KIAA2012: variants seen among roughly 807,000 people sequenced by gnomAD.
KIAA2012 encodes the protein KIAA2012, also known as uncharacterized protein KIAA2012.
In KIAA2012, 125 loss-of-function variants were observed where a neutral mutation model predicts 150.6. The observed-to-expected ratio is 0.83, with a 90% CI of 0.72 to 0.96. KIAA2012 has a LOEUF of 0.96. Ranked by LOEUF, KIAA2012 falls within the 40% of genes least tolerant of loss-of-function variation. The pLI is 0.00. For missense variants in KIAA2012, 1,219 were observed against 1,354.9 expected, an observed-to-expected ratio of 0.90 and a Z score of 1.57; for synonymous variants, 462 against 504.7, an observed-to-expected ratio of 0.92 and a Z score of 1.13.
intron 15 of KIAA2012, among the ~76,000 whole-genome samples, chr2:202,175,076 G>A (rs149899841): frequency 6.6e-4 from 100 of 152,270 alleles, no homozygotes; most frequent in African/African-American, 2.3e-3. Flanking sequence ...AAATCTCATT[G>A]AATTTATAAG....
chr2:202,138,311 A>G, intron 12 of KIAA2012, 121 bp from the exon 13 acceptor site: 1 of 726,534 alleles, frequency 1.4e-6, no homozygotes, highest in Non-Finnish European at 2.4e-6. Context: ...ATGGGTGTAT[A>G]TGTGCTTATA....
At chr2:202,183,916 G>C (rs551834795) in intron 15 of KIAA2012, among the ~76,000 whole-genome samples, 2 of 151,824 alleles carry the variant, frequency 1.3e-5, no homozygotes, top group African/African-American at 2.4e-5. Flanking sequence ...GTTCATATCC[G>C]TCCAGATTTT....
chr2:202,121,522 A>G (rs1690651872), intron 11 of KIAA2012, among the ~76,000 whole-genome samples: 1 of 152,246 alleles, frequency 6.6e-6, no homozygotes, highest in East Asian at 1.9e-4. Context: ...TGCAAGGGAC[A>G]TGGAAGGATG....
At chr2:202,132,495 C>G (rs113128891) in intron 12 of KIAA2012, among the ~76,000 whole-genome samples, 5 of 151,498 alleles carry the variant, frequency 3.3e-5, no homozygotes, top group African/African-American at 1.2e-4. Flanking sequence ...GGCAAAACCC[C>G]GTCTCTACTG....
At chr2:202,179,946 G>A (rs1332109413) in intron 15 of KIAA2012, 2 of 761,522 alleles carry the variant, frequency 2.6e-6, no homozygotes, top group Non-Finnish European at 4.4e-6. Flanking sequence ...GCTGGATTTA[G>A]GGGGCTTACT....
intron 3 of KIAA2012, 78 bp downstream of exon 3, chr2:202,091,007 A>G: frequency 6.9e-7 from 1 of 1,448,096 alleles, no homozygotes; most frequent in South Asian, 1.5e-5. Context: ...GTTTTCCATC[A>G]AGACCTGAAA....
Position 202,085,062 on chromosome 2 carries a change from C to A in KIAA2012, c.370-5708C>A, listed in dbSNP as rs144107994. 3.3e-3 allele frequency among the ~76,000 whole-genome samples: 499 copies of A among 152,210 alleles called. 1 individual carries two copies. The highest frequency in any genetic ancestry group is 0.011 in the African/African-American group (462 of 41,514). On this transcript the variant is annotated intron_variant, in intron 2 of 23. Transcript: ENST00000498697. ...TTGGAAGTGAGTAAGTAGATTTCAC[C>A]CTGACTGGTATCCTCGGTTAGCCCT...
At chr2:202,178,871 C>G (rs1165278673) in intron 15 of KIAA2012, 2 of 205,846 alleles carry the variant, frequency 9.7e-6, no homozygotes, top group Non-Finnish European at 1.9e-5. Context: ...AGAAGAAAAC[C>G]AAAGTTGCAA....
chr2:202,186,813 A>T, intron 16 of KIAA2012, 120 bp from the exon 17 acceptor site: 1 of 860,740 alleles, frequency 1.2e-6, no homozygotes, highest in Non-Finnish European at 1.7e-6. Flanking sequence ...TTGACTAAGT[A>T]TGTCAAATGT....
Position 202,105,791 on chromosome 2 carries a change from G to A in KIAA2012, c.1355G>A (p.Ser452Asn). The A allele has an allele frequency of 6.4e-7, 1 of 1,550,604 alleles. No individual in the cohort carries two copies. The highest frequency in any genetic ancestry group is 8.7e-7 in the Non-Finnish European group (1 of 1,146,992). The change falls in exon 9 of 24, where the codon AGC (serine) becomes AAC (asparagine). Residue 452 changes from serine (S) to asparagine (N), a missense_variant. Physicochemically the swap from Ser to Asn is conservative, Grantham distance 46. Coordinates refer to ENST00000498697, the MANE Select transcript of KIAA2012 (RefSeq NM_001277372.4). ...GAPHPESEPE[S>N]SEESTPVWRP... Reference sequence around the variant, plus strand: ...CCACACCCTGAGTCAGAACCAGAAAGCAGCGAAGAATCCACACCTGTGTGG... The same window carrying A: ...CCACACCCTGAGTCAGAACCAGAAAACAGCGAAGAATCCACACCTGTGTGG...
At chr2:202,088,675 C>G (rs527306445) in intron 2 of KIAA2012, among the ~76,000 whole-genome samples, 1 of 152,182 alleles carries the variant, frequency 6.6e-6, no homozygotes, top group African/African-American at 2.4e-5. Context: ...TCATTTACAC[C>G]AAAAACGAGG....
rs1422028326 is a variant in KIAA2012 at position 202,103,108 on chromosome 2, A to G, written c.1318A>G (p.Arg440Gly). 1 of 1,550,370 alleles carries G rather than the reference A, an allele frequency of 6.5e-7. No homozygotes were observed. Among genetic ancestry groups the G allele is most frequent in the Non-Finnish European group, 8.7e-7 (1 of 1,146,990 alleles). ...TKQPPKEKAHRRGAPHPESEP... is the reference protein window; with the variant it reads ...TKQPPKEKAHGRGAPHPESEP... Reference sequence around the variant, plus strand: ...ACAACCCCCAAAAGAGAAAGCCCACAGAAGAGGTAGGTCCCGGGTGCATGG... The same window carrying G: ...ACAACCCCCAAAAGAGAAAGCCCACGGAAGAGGTAGGTCCCGGGTGCATGG... Residue 440 changes from arginine (R) to glycine (G), a missense_variant, in exon 8 of 24, where the codon AGA becomes GGA. Coordinates refer to ENST00000498697, the MANE Select transcript of KIAA2012 (RefSeq NM_001277372.4).
chr2:202,154,774 G>C lies in KIAA2012; in HGVS notation c.2010G>C (p.Thr670=), dbSNP rs756022567. The C allele has an allele frequency of 1.3e-6, 2 of 1,549,490 alleles. No individual in the cohort carries two copies. The highest frequency in any genetic ancestry group is 2.0e-5 in the Admixed American group (1 of 50,658). ...GTTCAAACAGAAAAGAATTTTACACGCGCAAGCTGCACATCGACATGACGC... is the reference window on the plus strand; with the variant it reads ...GTTCAAACAGAAAAGAATTTTACACCCGCAAGCTGCACATCGACATGACGC... ...LICSNRKEFY[T]RKLHIDMTPF... The change falls in exon 14 of 24, where the codon ACG becomes ACC. Residue 670 remains threonine, a synonymous_variant. Coordinates refer to ENST00000498697, the MANE Select transcript of KIAA2012 (RefSeq NM_001277372.4).
Position 202,100,387 on chromosome 2 carries a change from C to G in KIAA2012, c.1093C>G (p.Pro365Ala). The change falls in exon 7 of 24, where the codon CCT becomes GCT. Residue 365 changes from proline (P) to alanine (A), a missense_variant. Physicochemically the swap from Pro to Ala is conservative, Grantham distance 27 (BLOSUM62 -1). Transcript: ENST00000498697. ...GCTTCCTGCTGAAAGAAGCCTCTTCCCTCCTGTAGCATCTGCCACTGGCTC... is the reference window on the plus strand; with the variant it reads ...GCTTCCTGCTGAAAGAAGCCTCTTCGCTCCTGTAGCATCTGCCACTGGCTC... ...QVLPAERSLF[P>A]PVASATGSRI... The G allele has an allele frequency of 6.4e-7, 1 of 1,550,588 alleles. No individual in the cohort carries two copies. The highest frequency in any genetic ancestry group is 8.7e-7 in the Non-Finnish European group (1 of 1,146,982).
intron 8 of KIAA2012, among the ~76,000 whole-genome samples, chr2:202,105,071 T>G (rs1690146661): frequency 6.6e-6 from 1 of 151,968 alleles, no homozygotes; most frequent in Non-Finnish European, 1.5e-5. Context: ...GGACCCTCCT[T>G]TAAAAGCATC....
chr2:202,200,133 A>G (rs1489799885), intron 22 of KIAA2012, among the ~76,000 whole-genome samples: 1 of 151,702 alleles, frequency 6.6e-6, no homozygotes, highest in African/African-American at 2.4e-5. Flanking sequence ...GGGTTTCACC[A>G]TGTTGGCCAG....
intron 8 of KIAA2012, among the ~76,000 whole-genome samples, chr2:202,103,344 G>C (rs1690101019): frequency 6.6e-6 from 1 of 152,198 alleles, no homozygotes; most frequent in South Asian, 2.1e-4. Context: ...ATTTTGTTAA[G>C]CTGTGGAAGA....
At chr2:202,113,147 G>A (rs966725898) in intron 10 of KIAA2012, among the ~76,000 whole-genome samples, 189 bp from the exon 11 acceptor site, 8 of 152,240 alleles carry the variant, frequency 5.3e-5, no homozygotes, top group African/African-American at 1.7e-4. Context: ...CGGAAGGCAG[G>A]GCCTGAACAA....
At chr2:202,135,995 A>T (rs777800540) in intron 12 of KIAA2012, 496 of 276,322 alleles carry the variant, frequency 1.8e-3, no homozygotes, top group East Asian at 4.4e-3. Flanking sequence ...TTCAAATTTA[A>T]AAAAAAAAAA....
Sources: gnomAD v4.1 joint callset for allele counts (sites outside exome capture counted in the v4.1 genomes callset) on GRCh38, gnomAD v4.1.1 for gene constraint, MANE v1.5 for transcripts, NCBI Gene and HGNC (gene_info 2026-07-23, HGNC 2026-07-21) for gene names.